SPOCK1: variants seen among roughly 807,000 people sequenced by gnomAD.
SPOCK1 encodes SPARC (osteonectin), cwcv and kazal like domains proteoglycan 1, also known as testican-1.
A neutral mutation model predicts 55.3 loss-of-function variants in SPOCK1; 23 were observed. That is an observed-to-expected ratio of 0.42 (90% confidence interval 0.30 to 0.59). The LOEUF is 0.59. Among genes scored for constraint, SPOCK1 ranks in the 20% least tolerant of loss-of-function variants. SPOCK1 has a pLI of 0.22. For synonymous variants in SPOCK1, 226 were observed against 221.0 expected (o/e 1.02, Z -0.20); for missense variants, 499 against 552.5 (o/e 0.90, Z 0.97).
chr5:137,118,204 G>C (rs1195955173), intron 4 of SPOCK1, among the ~76,000 whole-genome samples: 3 of 152,118 alleles, frequency 2.0e-5, no homozygotes, highest in Admixed American at 2.0e-4. Flanking sequence ...CCACTCAGAG[G>C]ATTTTTATAA....
chr5:137,180,578 A>C (rs1374016272), intron 3 of SPOCK1, among the ~76,000 whole-genome samples: 1 of 152,182 alleles, frequency 6.6e-6, no homozygotes, highest in African/African-American at 2.4e-5. Flanking sequence ...CTCAGGACTG[A>C]CAATGACCTG....
intron 2 of SPOCK1, among the ~76,000 whole-genome samples, chr5:137,443,199 C>A (rs1259441602): frequency 6.6e-6 from 1 of 152,148 alleles, no homozygotes; most frequent in East Asian, 1.9e-4. Context: ...ATTCCACCCA[C>A]CTGCAAGACT....
At chr5:137,325,497 T>C (rs921206318) in intron 2 of SPOCK1, among the ~76,000 whole-genome samples, 3 of 152,216 alleles carry the variant, frequency 2.0e-5, no homozygotes, top group Admixed American at 6.5e-5. Flanking sequence ...TCTGCGTACA[T>C]GCTTCCTAAA....
At position 137,272,788 on chromosome 5, in the gene SPOCK1, G is replaced by A. The variant is rs903174209; in HGVS notation, c.187-5733C>T. Reference sequence around the variant, plus strand: ...CCTAGGCCGCTTCTGAGCAGGGATGGGTCTTACTCACCTGCACATCCCCTA... The same window carrying A: ...CCTAGGCCGCTTCTGAGCAGGGATGAGTCTTACTCACCTGCACATCCCCTA... On this transcript the variant is annotated intron_variant, in intron 2 of 10. Transcript: ENST00000394945. 2.2e-5 allele frequency among the ~76,000 whole-genome samples: 3 copies of A among 137,974 alleles called. No individual in the cohort carries two copies. The East Asian group carries it at 6.6e-4, about 30-fold the overall frequency. The allele number at this position is 137,974 out of a possible 152,430, so 90.5% of individuals were successfully genotyped here.
At chr5:137,467,601 T>C (rs1358534283) in intron 2 of SPOCK1, among the ~76,000 whole-genome samples, 4 of 152,216 alleles carry the variant, frequency 2.6e-5, no homozygotes, top group African/African-American at 7.2e-5. Context: ...GTACATCTGA[T>C]AACACCACAG....
intron 2 of SPOCK1, among the ~76,000 whole-genome samples, chr5:137,305,972 C>G (rs748589438): frequency 9.2e-5 from 14 of 152,224 alleles, no homozygotes; most frequent in Non-Finnish European, 1.6e-4. Context: ...CCAGGTAGCA[C>G]TGGAATCCAG....
At position 137,170,587 on chromosome 5, in the gene SPOCK1, TTCTCTCTCTCTCTCTC is replaced by T. The variant is rs56347412; in HGVS notation, c.233-29909_233-29894del. The stretch of plus-strand genomic sequence containing the variant: ...GGAGAGACACGAATGAGCCTGTTAT[TTCTCTCTCTCTCTCTC>T]TCTCTCTCTCTCTCTCTCTGTGGAC... On this transcript the variant is annotated intron_variant, in intron 3 of 10. Coordinates refer to ENST00000394945, the MANE Select transcript of SPOCK1 (RefSeq NM_004598.4). 1.1e-3 allele frequency among the ~76,000 whole-genome samples: 151 copies of T among 142,600 alleles called. 3 individuals carry two copies. In the Middle Eastern group the frequency reaches 0.025, roughly 23 times the overall value. The allele number at this position is 142,600 out of a possible 152,430, so 93.6% of individuals were successfully genotyped here.
chr5:137,031,996 TAATA>T (rs1229999714), intron 6 of SPOCK1, among the ~76,000 whole-genome samples: 3 of 148,168 alleles, frequency 2.0e-5, no homozygotes, highest in African/African-American at 7.4e-5. Flanking sequence ...CGCATATACA[TAATA>T]TATAATAAAA....
At chr5:137,131,237 C>T (rs1300932197) in intron 4 of SPOCK1, among the ~76,000 whole-genome samples, 1 of 152,090 alleles carries the variant, frequency 6.6e-6, no homozygotes, top group African/African-American at 2.4e-5. Context: ...TATTAAATAA[C>T]AAAGGAAAAG....
chr5:137,428,971 A>T (rs755363467), intron 2 of SPOCK1, among the ~76,000 whole-genome samples: 2 of 152,206 alleles, frequency 1.3e-5, no homozygotes, highest in African/African-American at 2.4e-5. Flanking sequence ...TTCATCCTGC[A>T]AGAAGAATGA....
chr5:137,271,509 A>T (rs1276883084), intron 2 of SPOCK1, among the ~76,000 whole-genome samples: 1 of 152,064 alleles, frequency 6.6e-6, no homozygotes, highest in African/African-American at 2.4e-5. Context: ...TCTGCTTAAC[A>T]TGAAATGACA....
chr5:137,498,144 G>C (rs1365907708), intron 2 of SPOCK1, among the ~76,000 whole-genome samples: 1 of 152,104 alleles, frequency 6.6e-6, no homozygotes. Context: ...CTGGGCCACA[G>C]GTAACAGGCA....
chr5:137,156,581 A>C (rs1392812534), intron 3 of SPOCK1, among the ~76,000 whole-genome samples: 1 of 152,130 alleles, frequency 6.6e-6, no homozygotes, highest in East Asian at 1.9e-4. Context: ...CTACTACTAC[A>C]TCATTTGGGG....
chr5:137,493,921 G>C (rs1174689239), intron 2 of SPOCK1, among the ~76,000 whole-genome samples: 1 of 152,114 alleles, frequency 6.6e-6, no homozygotes, highest in Non-Finnish European at 1.5e-5. Context: ...GATGCTCGCT[G>C]CCACCCCAGC....
intron 2 of SPOCK1, among the ~76,000 whole-genome samples, chr5:137,486,467 T>A (rs17171443): frequency 6.6e-6 from 1 of 152,028 alleles, no homozygotes; most frequent in Non-Finnish European, 1.5e-5. Context: ...TTGTCGCAAA[T>A]AGAAAGCCTG....
At chr5:137,161,112 T>C (rs1376332925) in intron 3 of SPOCK1, among the ~76,000 whole-genome samples, 1 of 147,026 alleles carries the variant, frequency 6.8e-6, no homozygotes, top group Non-Finnish European at 1.5e-5. Flanking sequence ...ATATCTAATA[T>C]ATAATATATA....
intron 3 of SPOCK1, among the ~76,000 whole-genome samples, chr5:137,235,542 T>C (rs769622529): frequency 6.6e-6 from 1 of 152,236 alleles, no homozygotes; most frequent in Non-Finnish European, 1.5e-5. Context: ...GAAATGAGTA[T>C]GGGCAGAAAG....
intron 3 of SPOCK1, among the ~76,000 whole-genome samples, chr5:137,154,380 C>G (rs1561629260): frequency 6.6e-6 from 1 of 152,144 alleles, no homozygotes. Context: ...GACATTTAAG[C>G]CACAATCTGA....
At chr5:137,307,798 G>A (rs1295697138) in intron 2 of SPOCK1, among the ~76,000 whole-genome samples, 1 of 152,212 alleles carries the variant, frequency 6.6e-6, no homozygotes, top group Non-Finnish European at 1.5e-5. Context: ...TGAGGACTTT[G>A]CCTGGAAGGG....
Sources: gnomAD v4.1 joint callset for allele counts (sites outside exome capture counted in the v4.1 genomes callset) on GRCh38, gnomAD v4.1.1 for gene constraint, MANE v1.5 for transcripts, NCBI Gene and HGNC (gene_info 2026-07-23, HGNC 2026-07-21) for gene names.